Variants in LRP1B observed in about 807,000 individuals in gnomAD.
LRP1B encodes low-density lipoprotein receptor-related protein 1B.
Under a neutral mutation model 556.6 loss-of-function variants are expected in LRP1B, and 217 were observed. The observed-to-expected ratio is 0.39, with a 90% confidence interval of 0.35 to 0.44. LRP1B has a LOEUF of 0.44. LRP1B is among the 20% of genes least tolerant of loss of function. LRP1B has a pLI of 1.00. For synonymous variants in LRP1B, 2,047 were observed against 1,865.8 expected, an observed-to-expected ratio of 1.10 and a Z score of -2.50; for missense variants, 5,053 against 5,620.8, an observed-to-expected ratio of 0.90 and a Z score of 3.23.
In LRP1B at chr2:140,475,351, T is replaced by C; in HGVS notation, c.9426-14A>G. ...CAATACAAATATCTAGGAAAGAAAATCAATACTGATTTTGTTTACAGATTC... is the reference window on the plus strand; with the variant it reads ...CAATACAAATATCTAGGAAAGAAAACCAATACTGATTTTGTTTACAGATTC... On this transcript the variant is annotated splice_polypyrimidine_tract_variant and intron_variant, in intron 59 of 90. Transcript: ENST00000389484. The C allele has an allele frequency of 6.5e-7, 1 of 1,546,520 alleles. No homozygotes were observed. The highest frequency in any genetic ancestry group is 8.8e-7 in the Non-Finnish European group (1 of 1,138,498).
chr2:141,444,043 AT>A (rs1681087574), intron 3 of LRP1B, among the ~76,000 whole-genome samples: 1 of 152,048 alleles, frequency 6.6e-6, no homozygotes, highest in South Asian at 2.1e-4. Context: ...TTTTCATGAT[AT>A]TGATTCTTCC....
intron 3 of LRP1B, among the ~76,000 whole-genome samples, chr2:141,338,711 C>T (rs1371553874): frequency 6.6e-6 from 1 of 152,178 alleles, no homozygotes; most frequent in Non-Finnish European, 1.5e-5. Flanking sequence ...CCAAAGCCTT[C>T]TAAATTATCT....
chr2:140,831,337 G>A (rs899633687), intron 31 of LRP1B, among the ~76,000 whole-genome samples: 5 of 152,070 alleles, frequency 3.3e-5, no homozygotes, highest in Non-Finnish European at 5.9e-5. Flanking sequence ...AGAGAACAGT[G>A]GAACACGCTA....
intron 43 of LRP1B, among the ~76,000 whole-genome samples, chr2:140,552,811 C>G (rs1332593524): frequency 6.6e-6 from 1 of 152,126 alleles, no homozygotes; most frequent in Non-Finnish European, 1.5e-5. Flanking sequence ...TTTCTTGACA[C>G]AGCTACTTAT....
At chr2:140,485,942 A>G (rs142851086) in intron 58 of LRP1B, among the ~76,000 whole-genome samples, 2 of 150,896 alleles carry the variant, frequency 1.3e-5, no homozygotes, top group Non-Finnish European at 3.0e-5. Flanking sequence ...AGCATTCCTC[A>G]CTCTCTCTAC....
At chr2:141,070,604 C>T in intron 7 of LRP1B, among the ~76,000 whole-genome samples, 1 of 151,918 alleles carries the variant, frequency 6.6e-6, no homozygotes, top group East Asian at 1.9e-4. Context: ...TGATAGACCA[C>T]TAGCAAGATC....
At position 141,548,203 on chromosome 2, in the gene LRP1B, T is replaced by A. The variant is rs183901209; in HGVS notation, c.206-67670A>T. On this transcript the variant is annotated intron_variant, in intron 2 of 90. Transcript: ENST00000389484. ...CAGATAGAATAAATAATATGCAACTTGAAGGGTATTATGAGATTTCAATGA... is the reference window on the plus strand; with the variant it reads ...CAGATAGAATAAATAATATGCAACTAGAAGGGTATTATGAGATTTCAATGA... Among the ~76,000 whole-genome samples the A allele has an allele frequency of 7.2e-5, 11 of 152,300 alleles. No individual in the cohort carries two copies. In the East Asian group the frequency reaches 2.1e-3, roughly 29 times the overall value.
At chr2:141,287,232 T>C (rs556494249) in intron 3 of LRP1B, among the ~76,000 whole-genome samples, 3 of 152,300 alleles carry the variant, frequency 2.0e-5, no homozygotes, top group African/African-American at 7.2e-5. Flanking sequence ...CTTCTCATTC[T>C]GCCATTCTCA....
intron 7 of LRP1B, among the ~76,000 whole-genome samples, chr2:141,136,155 A>G (rs1701486809): frequency 6.6e-6 from 1 of 151,920 alleles, no homozygotes; most frequent in Non-Finnish European, 1.5e-5. Context: ...TTAAGTTTGT[A>G]CAAAGCTGCA....
intron 23 of LRP1B, among the ~76,000 whole-genome samples, chr2:140,897,822 G>A (rs546417723): frequency 1.1e-3 from 173 of 152,182 alleles, no homozygotes; most frequent in African/African-American, 3.7e-3. Flanking sequence ...TGAAGGCTGC[G>A]CTATCGGCTT....
intron 3 of LRP1B, among the ~76,000 whole-genome samples, chr2:141,421,561 T>A (rs1040849845): frequency 8.6e-5 from 13 of 151,966 alleles, no homozygotes; most frequent in Admixed American, 8.5e-4. Context: ...CTCTTTCATA[T>A]GTATTAAAAT....
chr2:140,635,855 G>A (rs1400561389), intron 41 of LRP1B, among the ~76,000 whole-genome samples: 1 of 152,074 alleles, frequency 6.6e-6, no homozygotes, highest in Non-Finnish European at 1.5e-5. Flanking sequence ...ATTCATTCCT[G>A]AAGTTGAGTG....
At chr2:141,160,144 T>C (rs1448239839) in intron 7 of LRP1B, among the ~76,000 whole-genome samples, 2 of 152,126 alleles carry the variant, frequency 1.3e-5, no homozygotes, top group Non-Finnish European at 2.9e-5. Flanking sequence ...TAAAAATACA[T>C]GGCAATATAA....
intron 88 of LRP1B, 88 bp downstream of exon 88, chr2:140,239,354 T>C (rs1319796554): frequency 1.3e-6 from 1 of 794,384 alleles, no homozygotes; most frequent in Non-Finnish European, 2.0e-6. Flanking sequence ...CTAAATCATG[T>C]TTAAAAAAAT....
intron 41 of LRP1B, among the ~76,000 whole-genome samples, chr2:140,602,741 T>A (rs1574130964): frequency 1.9e-5 from 1 of 53,410 alleles, no homozygotes; most frequent in Non-Finnish European, 3.9e-5. Context: ...TTTTTTCATA[T>A]TTTTTTATTT....
rs1255009045 is a variant in LRP1B at position 141,558,925 on chromosome 2, C to G, written c.206-78392G>C. Among the ~76,000 whole-genome samples, 8 of 151,472 alleles carry G rather than the reference C, an allele frequency of 5.3e-5. No individual in the cohort carries two copies. The Admixed American group carries it at 5.3e-4, about 10-fold the overall frequency. ...ATCAAGAACTGATAAATAGAGGTACCTCATTTTTGTCCCAAGTCTACAGAC... is the reference window on the plus strand; with the variant it reads ...ATCAAGAACTGATAAATAGAGGTACGTCATTTTTGTCCCAAGTCTACAGAC... On this transcript the variant is annotated intron_variant, in intron 2 of 90. Transcript: ENST00000389484.
intron 7 of LRP1B, among the ~76,000 whole-genome samples, chr2:141,124,656 T>C (rs1574098752): frequency 8.4e-6 from 1 of 118,578 alleles, no homozygotes; most frequent in African/African-American, 3.9e-5. Flanking sequence ...AGAGATGGAG[T>C]GACAAATGAA....
At chr2:141,523,238 T>C (rs1684585703) in intron 2 of LRP1B, among the ~76,000 whole-genome samples, 1 of 152,170 alleles carries the variant, frequency 6.6e-6, no homozygotes, top group South Asian at 2.1e-4. Flanking sequence ...TACATTTTAA[T>C]ATGATCTAGG....
In LRP1B at chr2:140,989,580, C is replaced by T. The variant is rs2105352838; in HGVS notation, c.2722G>A (p.Ala908Thr). The T allele has an allele frequency of 1.2e-6, 2 of 1,613,318 alleles. No homozygotes were observed. The highest frequency in any genetic ancestry group is 1.7e-6 in the Non-Finnish European group (2 of 1,179,484). The change falls in exon 17 of 91, where the codon GCT (alanine) becomes ACT (threonine). Residue 908 changes from alanine to threonine, a missense_variant. By Grantham distance (58) the Ala-to-Thr change is moderately conservative (BLOSUM62 0). Around this residue, in one of 5 missense-constraint regions of LRP1B, gnomAD observed 3,619 missense variants for 3,931.9 expected, o/e 0.92. Coordinates refer to ENST00000389484, the MANE Select transcript of LRP1B (RefSeq NM_018557.3). ...TCTTCATTGCTCCCACAGTCATTAG[C>T]TCCATCACAAAGCCATCTCTTGGGG... ...CIPKRWLCDGANDCGSNEDES... is the reference protein window; with the variant it reads ...CIPKRWLCDGTNDCGSNEDES...
Sources: gnomAD v4.1 joint callset for allele counts (sites outside exome capture counted in the v4.1 genomes callset) on GRCh38, gnomAD v4.1.1 for gene constraint, gnomAD v4.1.1 regional missense constraint, MANE v1.5 for transcripts, NCBI Gene and HGNC (gene_info 2026-07-23, HGNC 2026-07-21) for gene names.